CDKL3: variants seen among roughly 807,000 people sequenced by gnomAD.
CDKL3 encodes the protein cyclin dependent kinase like 3.
In CDKL3, 65 loss-of-function variants were observed where a neutral mutation model predicts 69.3. The ratio of observed to expected loss-of-function variants is 0.94; its 90% CI spans 0.77 to 1.15. CDKL3 has a LOEUF of 1.15. Among genes scored for constraint, CDKL3 ranks in the 50% most tolerant of loss-of-function variants. CDKL3 has a pLI of 0.00. For missense variants in CDKL3, 652 were observed against 689.2 expected, an observed-to-expected ratio of 0.95 and a Z score of 0.61; for synonymous variants, 202 against 221.6, an observed-to-expected ratio of 0.91 and a Z score of 0.79.
At chr5:134,306,819 A>T (rs1768008773) in intron 9 of CDKL3, 117 bp from the exon 10 acceptor site, 1 of 561,594 alleles carries the variant, frequency 1.8e-6, no homozygotes. Context: ...CAGTGTCATG[A>T]TCTTGGCTCA....
chr5:134,318,391 T>C (rs1013523860), intron 6 of CDKL3, among the ~76,000 whole-genome samples: 11 of 152,108 alleles, frequency 7.2e-5, no homozygotes, highest in African/African-American at 2.7e-4. Context: ...CCTGTAGATA[T>C]TTTAGTACAA....
chr5:134,303,193 G>T (rs954794661), intron 11 of CDKL3, among the ~76,000 whole-genome samples: 4 of 151,908 alleles, frequency 2.6e-5, no homozygotes, highest in Admixed American at 1.3e-4. Flanking sequence ...CCGGTTTCAA[G>T]TGATTTTCCT....
upstream of CDKL3, among the ~76,000 whole-genome samples, chr5:134,369,420 G>A (rs1758097952): frequency 6.6e-6 from 1 of 152,174 alleles, no homozygotes; most frequent in Non-Finnish European, 1.5e-5. Context: ...AGCTCAACAG[G>A]GAAAGAGGGG....
intron 8 of CDKL3, among the ~76,000 whole-genome samples, chr5:134,289,666 T>A (rs1038570095): frequency 2.6e-5 from 4 of 152,186 alleles, no homozygotes; most frequent in Non-Finnish European, 5.9e-5. Flanking sequence ...TGGCTTGTCC[T>A]CTGTTAGGGT....
chr5:134,360,245 G>A (rs879648794), intron 2 of CDKL3, among the ~76,000 whole-genome samples, 154 bp from the exon 3 acceptor site: 9 of 151,382 alleles, frequency 5.9e-5, no homozygotes, highest in African/African-American at 9.7e-5. Context: ...TTGCTCTGTC[G>A]CCAGGCTGGA....
chr5:134,306,505 AAAAC>A (rs902153767), intron 10 of CDKL3, 100 bp downstream of exon 10: 34 of 731,530 alleles, frequency 4.6e-5, no homozygotes, highest in African/African-American at 4.4e-4. Flanking sequence ...TCAAAAAAAC[AAAAC>A]AAACAAACAA....
chr5:134,285,071 C>A (rs1230253912), downstream of CDKL3, among the ~76,000 whole-genome samples: 3 of 152,192 alleles, frequency 2.0e-5, no homozygotes, highest in African/African-American at 7.2e-5. Flanking sequence ...ATGAAATCTT[C>A]ACAATTTATG....
At chr5:134,369,081 T>C (rs1758051530), upstream of CDKL3, among the ~76,000 whole-genome samples, 1 of 152,136 alleles carries the variant, frequency 6.6e-6, no homozygotes, top group South Asian at 2.1e-4. Context: ...GTCCCTGCCC[T>C]CAATGAACTC....
upstream of CDKL3, among the ~76,000 whole-genome samples, chr5:134,368,618 CAAAAAAAAA>C (rs11339001): frequency 8.6e-5 from 6 of 69,812 alleles, no homozygotes; most frequent in Admixed American, 1.2e-3. Context: ...GACTCCATCT[CAAAAAAAAA>C]AAAAAAAAAA....
At chr5:134,367,378 T>C (rs1234162787), upstream of CDKL3, 4 of 978,932 alleles carry the variant, frequency 4.1e-6, no homozygotes, top group Non-Finnish European at 4.8e-6. Flanking sequence ...CTTTTTTTTT[T>C]TTTTTTTTTT....
intron 2 of CDKL3, among the ~76,000 whole-genome samples, chr5:134,363,555 G>T (rs1409786215): frequency 2.0e-5 from 3 of 151,052 alleles, no homozygotes. Flanking sequence ...CCTCCTCCTG[G>T]GTTCAAGCAA....
At chr5:134,332,295 TA>T (rs1311647432) in intron 4 of CDKL3, among the ~76,000 whole-genome samples, 1 of 152,230 alleles carries the variant, frequency 6.6e-6, no homozygotes, top group Non-Finnish European at 1.5e-5. Context: ...CTCTTTAGTT[TA>T]ATTAGATCTC....
Position 134,308,171 on chromosome 5 carries a change from T to C in CDKL3, c.1331A>G (p.Asn444Ser). 6.2e-7 allele frequency: 1 copy of C among 1,613,612 alleles called. No individual in the cohort carries two copies. The highest frequency in any genetic ancestry group is 8.5e-7 in the Non-Finnish European group (1 of 1,179,716). Residue 444 changes from asparagine (N) to serine (S), a missense_variant, in exon 9 of 13, where the codon AAT becomes AGT. Physicochemically the swap from Asn to Ser is conservative, Grantham distance 46. Transcript: ENST00000265334. The stretch of plus-strand genomic sequence containing the variant: ...GGGGTGAAAGAGATTTGAACTGAGA[T>C]TTGCAGCCATCAAATTACTGTTAGT... ...NLTNSNLMAA[N>S]LSSNLFHPSV...
intron 3 of CDKL3, among the ~76,000 whole-genome samples, chr5:134,357,870 T>C (rs1035273879): frequency 2.0e-5 from 3 of 152,186 alleles, no homozygotes; most frequent in Non-Finnish European, 2.9e-5. Flanking sequence ...CTTCTACTCA[T>C]GTTAAAATAA....
At chr5:134,297,603 C>T (rs1307333596), downstream of CDKL3, among the ~76,000 whole-genome samples, 11 of 148,024 alleles carry the variant, frequency 7.4e-5, no homozygotes, top group Admixed American at 2.0e-4. Context: ...TTTTTTGAGA[C>T]GGAGTTTCAC....
chr5:134,328,904 T>TA (rs1339777787), intron 4 of CDKL3, among the ~76,000 whole-genome samples: 2 of 152,206 alleles, frequency 1.3e-5, no homozygotes, highest in Non-Finnish European at 2.9e-5. Flanking sequence ...CTAGCAAAGA[T>TA]ATCTTTCAAA....
chr5:134,325,341 TAC>T (rs1773871629), intron 4 of CDKL3, among the ~76,000 whole-genome samples: 1 of 152,016 alleles, frequency 6.6e-6, no homozygotes, highest in Non-Finnish European at 1.5e-5. Flanking sequence ...TTATAGTATA[TAC>T]AGTTTTTCAG....
chr5:134,321,882 C>G lies in CDKL3; in HGVS notation c.561G>C (p.Leu187Phe). 4 of 1,607,314 alleles carry G rather than the reference C, an allele frequency of 2.5e-6. No individual in the cohort carries two copies. Among genetic ancestry groups the G allele is most frequent in the Non-Finnish European group, 3.4e-6 (4 of 1,174,994 alleles). The change falls in exon 5 of 13, where the codon TTG becomes TTC. Residue 187 changes from leucine to phenylalanine, a missense_variant. By Grantham distance (22) the Leu-to-Phe change is conservative (BLOSUM62 0). Coordinates refer to ENST00000265334, the MANE Select transcript of CDKL3 (RefSeq NM_001113575.2). ...SYGKPVDIWA[L>F]GCMIIEMATG... ...TGGCCATCTCAATGATCATACAGCC[C>G]AAAGCCCAGATATCCACAGGTCTGA...
At chr5:134,320,875 A>C (rs1772556736) in intron 5 of CDKL3, among the ~76,000 whole-genome samples, 1 of 149,482 alleles carries the variant, frequency 6.7e-6, no homozygotes, top group African/African-American at 2.4e-5. Flanking sequence ...CTCCCTCTCA[A>C]AAAAAAAAAA....
Sources: allele counts gnomAD v4.1 joint callset (sites outside exome capture counted in the v4.1 genomes callset), GRCh38; gene constraint gnomAD v4.1.1; transcripts MANE v1.5; gene names NCBI Gene and HGNC (gene_info 2026-07-23, HGNC 2026-07-21).